The following RABGAP1L variants were observed in gnomAD, a reference collection of about 807,000 sequenced individuals.
RABGAP1L encodes the protein rab GTPase-activating protein 1-like.
In RABGAP1L, 63 loss-of-function variants were observed where a neutral mutation model predicts 137.7. The ratio of observed to expected loss-of-function variants is 0.46; its 90% CI spans 0.37 to 0.56. The LOEUF (loss-of-function observed/expected upper bound fraction) is 0.56, where lower values mean the gene tolerates loss of function less well. Ranked by LOEUF, RABGAP1L falls within the 20% of genes least tolerant of loss-of-function variation. RABGAP1L has a pLI of 0.00. For synonymous variants in RABGAP1L, 431 were observed against 433.7 expected, an observed-to-expected ratio of 0.99 and a Z score of 0.08; for missense variants, 1,095 against 1,244.0, an observed-to-expected ratio of 0.88 and a Z score of 1.80.
At chr1:174,368,427 C>T (rs1204163175) in intron 11 of RABGAP1L, among the ~76,000 whole-genome samples, 1 of 152,096 alleles carries the variant, frequency 6.6e-6, no homozygotes, top group East Asian at 1.9e-4. Context: ...TAAACATCAG[C>T]CTTCTTACCT....
At chr1:174,588,882 G>A (rs907321957) in intron 13 of RABGAP1L, among the ~76,000 whole-genome samples, 2 of 152,018 alleles carry the variant, frequency 1.3e-5, no homozygotes, top group African/African-American at 4.8e-5. Flanking sequence ...CCAAATCTTG[G>A]CTATTGCAAA....
chr1:174,877,663 T>G (rs1229871951), intron 19 of RABGAP1L: 4 of 1,521,932 alleles, frequency 2.6e-6, no homozygotes, highest in African/African-American at 1.4e-5. Context: ...ACATGATATC[T>G]ATACTCCTGT....
chr1:174,164,088 C>G (rs1388142784), intron 1 of RABGAP1L, among the ~76,000 whole-genome samples: 1 of 151,726 alleles, frequency 6.6e-6, no homozygotes, highest in Non-Finnish European at 1.5e-5. Context: ...CTATGGATTT[C>G]CTCCTCTTAC....
At chr1:174,492,592 C>G (rs931919388) in intron 13 of RABGAP1L, among the ~76,000 whole-genome samples, 1 of 152,046 alleles carries the variant, frequency 6.6e-6, no homozygotes, top group Non-Finnish European at 1.5e-5. Context: ...TCAGGCGATC[C>G]GCCTGCCTCA....
chr1:174,969,865 A>G (rs1233992883), intron 21 of RABGAP1L, among the ~76,000 whole-genome samples: 1 of 152,236 alleles, frequency 6.6e-6, no homozygotes, highest in Non-Finnish European at 1.5e-5. Flanking sequence ...GAATGCTGGC[A>G]CCACCACTGT....
chr1:174,238,526 A>AGGGC (rs1671438376), intron 4 of RABGAP1L, among the ~76,000 whole-genome samples: 2 of 151,934 alleles, frequency 1.3e-5, no homozygotes, highest in Non-Finnish European at 2.9e-5. Flanking sequence ...AATACCCTGC[A>AGGGC]GTGTGAGGTG....
At chr1:174,781,314 T>C (rs1179430836) in intron 18 of RABGAP1L, among the ~76,000 whole-genome samples, 1 of 152,236 alleles carries the variant, frequency 6.6e-6, no homozygotes, top group African/African-American at 2.4e-5. Flanking sequence ...ATTTCTCTGA[T>C]GGCCAGTGAT....
intron 13 of RABGAP1L, among the ~76,000 whole-genome samples, chr1:174,479,758 T>G (rs1421528881): frequency 6.6e-6 from 1 of 152,238 alleles, no homozygotes; most frequent in Non-Finnish European, 1.5e-5. Flanking sequence ...CATAGCTCAT[T>G]CACTCCCTAA....
rs781164733 is a variant in RABGAP1L at position 174,761,413 on chromosome 1, C to T, written c.2211+9059C>T. Among the ~76,000 whole-genome samples, 3 of 151,500 alleles carry T rather than the reference C, an allele frequency of 2.0e-5. No homozygotes were observed. The highest frequency in any genetic ancestry group is 2.9e-5 in the Non-Finnish European group (2 of 67,862). ...ACTCCTCACTTCCCAGAGGGTGGCA[C>T]GGCCAGGCAGAGGCGCTCCTCAGTT... is the stretch of plus-strand genomic sequence containing the variant. On this transcript the variant is annotated intron_variant, in intron 18 of 25. Transcript: ENST00000681986. The surrounding 1 kb of genome is among the most constrained non-coding windows in gnomAD (Gnocchi z 4.0).
intron 13 of RABGAP1L, among the ~76,000 whole-genome samples, chr1:174,625,803 T>G (rs1038311154): frequency 6.6e-6 from 1 of 152,170 alleles, no homozygotes; most frequent in Non-Finnish European, 1.5e-5. Context: ...ACTGTAATAA[T>G]TAGGTTAAAA....
chr1:174,840,634 C>CAAA (rs571457207), intron 19 of RABGAP1L, among the ~76,000 whole-genome samples: 1 of 113,434 alleles, frequency 8.8e-6, no homozygotes, highest in Non-Finnish European at 1.8e-5. Context: ...ACTAAAAATA[C>CAAA]AAAAAAAAAA....
chr1:174,620,501 C>A (rs1393950771), intron 13 of RABGAP1L, among the ~76,000 whole-genome samples: 9 of 152,172 alleles, frequency 5.9e-5, no homozygotes. Context: ...CACTCAACTA[C>A]ATGGAAACTG....
In RABGAP1L at chr1:174,563,101, A is replaced by G. The variant is rs191227463; in HGVS notation, c.1711-74274A>G. Among the ~76,000 whole-genome samples, 12 of 152,338 alleles carry G rather than the reference A, an allele frequency of 7.9e-5. No individual in the cohort carries two copies. In the East Asian group the frequency reaches 9.6e-4, roughly 12 times the overall value. ...TCAGAGATGAGTAATTCCTGTAGAC[A>G]TAAGTACTGGCCACCAAGCTTGAAA... On this transcript the variant is annotated intron_variant, in intron 13 of 25. Transcript: ENST00000681986.
At chr1:174,752,945 G>A (rs751837858) in intron 18 of RABGAP1L, among the ~76,000 whole-genome samples, 1 of 152,158 alleles carries the variant, frequency 6.6e-6, no homozygotes, top group Non-Finnish European at 1.5e-5. Context: ...AGATAACCCA[G>A]CTGGTTTTTG....
intron 18 of RABGAP1L, among the ~76,000 whole-genome samples, chr1:174,762,747 A>G (rs1442232822): frequency 6.9e-6 from 1 of 145,958 alleles, no homozygotes; most frequent in Non-Finnish European, 1.5e-5. Flanking sequence ...ACTTCCTCCT[A>G]TGTGTATATG....
intron 19 of RABGAP1L, among the ~76,000 whole-genome samples, chr1:174,956,650 CTT>C (rs749236387): frequency 6.4e-5 from 9 of 139,722 alleles, no homozygotes; most frequent in Admixed American, 7.2e-5. Flanking sequence ...CTCTTCTCTT[CTT>C]TTTTTTTTTT....
intron 13 of RABGAP1L, among the ~76,000 whole-genome samples, chr1:174,540,848 G>C (rs1048789110): frequency 2.0e-5 from 3 of 152,204 alleles, no homozygotes; most frequent in African/African-American, 4.8e-5. Context: ...CTGGTAGCTT[G>C]ATGGGGATGG....
At chr1:174,866,132 AG>A (rs2149038070) in intron 19 of RABGAP1L, among the ~76,000 whole-genome samples, 1 of 148,246 alleles carries the variant, frequency 6.7e-6, no homozygotes, top group African/African-American at 2.5e-5. Context: ...AGAGAGAGAG[AG>A]AGAGAGAGAG....
At chr1:174,280,048 GGAGAGAGAGAGAGAGAGAGAGAGA>G (rs59262212) in intron 10 of RABGAP1L, among the ~76,000 whole-genome samples, 1 of 125,252 alleles carries the variant, frequency 8.0e-6, no homozygotes, top group Non-Finnish European at 1.7e-5. Flanking sequence ...CTGTCTGCCT[GGAGAGAGAGAGAGAGAGAGAGAGA>G]GAGAGAGAGA....
Sources: allele counts gnomAD v4.1 joint callset (sites outside exome capture counted in the v4.1 genomes callset), GRCh38; gene constraint gnomAD v4.1.1; non-coding constraint Gnocchi (gnomAD v3.1); transcripts MANE v1.5; gene names NCBI Gene and HGNC (gene_info 2026-07-23, HGNC 2026-07-21).